The following KDM2A variants were observed in gnomAD, a reference collection of about 807,000 sequenced individuals.
KDM2A encodes lysine demethylase 2A.
In KDM2A, 3 loss-of-function variants were observed where a neutral mutation model predicts 137.3. That is an observed-to-expected ratio of 0.02 (90% CI 0.01 to 0.06). The LOEUF is 0.06. KDM2A is among the 10% of genes least tolerant of loss of function. The probability of loss-of-function intolerance (pLI) is 1.00; values close to 1 mark genes in which losing one functional copy is unlikely to be tolerated. For synonymous variants in KDM2A, 512 were observed against 541.5 expected, an observed-to-expected ratio of 0.95 and a Z score of 0.76; for missense variants, 738 against 1,510.6, an observed-to-expected ratio of 0.49 and a Z score of 8.48.
chr11:67,210,576 G>A (rs1231341044), intron 6 of KDM2A, among the ~76,000 whole-genome samples: 1 of 152,002 alleles, frequency 6.6e-6, no homozygotes, highest in African/African-American at 2.4e-5. Context: ...ACATTAAAGG[G>A]CGGAGAAGAA....
chr11:67,250,242 C>G lies in KDM2A; in HGVS notation c.2212C>G (p.Arg738Gly), dbSNP rs776039082. The G allele has an allele frequency of 6.2e-7, 1 of 1,613,836 alleles. No homozygotes were observed. The highest frequency in any genetic ancestry group is 1.7e-5 in the Admixed American group (1 of 60,006). Reference protein sequence around the residue: ...DPVSPRGMVTRSSPGAGPSDH... With the variant: ...DPVSPRGMVTGSSPGAGPSDH... Reference sequence around the variant, plus strand: ...GGTTTCCCCCCGGGGTATGGTGACTCGGTCATCCCCTGGGGCTGGCCCCAG... The same window carrying G: ...GGTTTCCCCCCGGGGTATGGTGACTGGGTCATCCCCTGGGGCTGGCCCCAG... The change falls in exon 17 of 21, where the codon CGG becomes GGG. Residue 738 changes from arginine (R) to glycine (G), a missense_variant. This residue lies in a region of KDM2A where 244 missense variants were observed against 324.6 expected (regional missense o/e 0.75). Transcript: ENST00000529006. This position sits in a 1 kb window ranked among gnomAD's most constrained non-coding sequence, Gnocchi z 7.1.
intron 1 of KDM2A, among the ~76,000 whole-genome samples, chr11:67,120,839 A>G (rs1555077448): frequency 6.6e-6 from 1 of 151,590 alleles, no homozygotes; most frequent in Non-Finnish European, 1.5e-5. Context: ...GTGAGAGAGA[A>G]CTAATTTGGT....
rs2136434957 is a variant in KDM2A at position 67,236,976 on chromosome 11, T to C, written c.1479+5016T>C. ...ATAGGAAATAAGTGCAGTCCAGGTT[T>C]GTAGGTGCCTGGCATGACACAGGGC... is the stretch of plus-strand genomic sequence containing the variant. On this transcript the variant is annotated intron_variant, in intron 12 of 20. Coordinates refer to ENST00000529006, the MANE Select transcript of KDM2A (RefSeq NM_012308.3). Among the ~76,000 whole-genome samples, 3 of 152,260 alleles carry C rather than the reference T, an allele frequency of 2.0e-5. No homozygotes were observed. The South Asian group carries it at 6.2e-4, about 32-fold the overall frequency.
At chr11:67,249,039 T>A (rs1449514312) in intron 16 of KDM2A, among the ~76,000 whole-genome samples, 1 of 152,220 alleles carries the variant, frequency 6.6e-6, no homozygotes, top group Non-Finnish European at 1.5e-5. Context: ...TGCCAGTCTT[T>A]CAAGGACCCT....
At chr11:67,177,617 G>C (rs559758176) in intron 2 of KDM2A, among the ~76,000 whole-genome samples, 24 of 151,852 alleles carry the variant, frequency 1.6e-4, no homozygotes, top group Non-Finnish European at 3.1e-4. Context: ...CAGTAACACA[G>C]ATGAGCTGTC....
At position 67,235,018 on chromosome 11, in the gene KDM2A, G is replaced by A. The variant is rs577977238; in HGVS notation, c.1479+3058G>A. ...AAATTAGCCAGGTGTCTTGGCGGGC[G>A]CCTGTATTCCCAGCTACTTGGGAGG... On this transcript the variant is annotated intron_variant, in intron 12 of 20. Coordinates refer to ENST00000529006, the MANE Select transcript of KDM2A (RefSeq NM_012308.3). Among the ~76,000 whole-genome samples, 13 of 151,656 alleles carry A rather than the reference G, an allele frequency of 8.6e-5. No individual in the cohort carries two copies. In the East Asian group the frequency reaches 2.2e-3, roughly 25 times the overall value.
chr11:67,254,116 C>A lies in KDM2A; in HGVS notation c.3092-87C>A. ...ACTTAACCCCTTCAAGGGGGCCTGGCCAGCAAGTAGCTGTTGCTGCCTGGA... is the reference window on the plus strand; with the variant it reads ...ACTTAACCCCTTCAAGGGGGCCTGGACAGCAAGTAGCTGTTGCTGCCTGGA... On this transcript the variant is annotated intron_variant, in intron 19 of 20. Transcript: ENST00000529006. The surrounding 1 kb of genome is among the most constrained non-coding windows in gnomAD (Gnocchi z 4.7). 8.1e-7 allele frequency: 1 copy of A among 1,235,600 alleles called. No homozygotes were observed. Among genetic ancestry groups the A allele is most frequent in the Non-Finnish European group, 1.1e-6 (1 of 882,054 alleles). The allele number at this position is 1,235,600 out of a possible 1,614,324, so 76.5% of individuals were successfully genotyped here. A position where few individuals can be genotyped will look rare whatever the true frequency, so the allele number is the denominator to read the frequency against.
intron 2 of KDM2A, among the ~76,000 whole-genome samples, chr11:67,139,689 A>G (rs1293917462): frequency 6.6e-6 from 1 of 150,998 alleles, no homozygotes; most frequent in Non-Finnish European, 1.5e-5. Flanking sequence ...CAAAGGTTGC[A>G]AGGTTGCTGC....
chr11:67,128,122 C>T (rs1037599471), intron 2 of KDM2A, among the ~76,000 whole-genome samples: 1 of 151,486 alleles, frequency 6.6e-6, no homozygotes, highest in Non-Finnish European at 1.5e-5. Flanking sequence ...CTTACCTCAG[C>T]CTCCTGAGTG....
Position 67,252,752 on chromosome 11 carries a change from C to T in KDM2A, c.2827C>T (p.Pro943Ser). ...CTTGAGTAGGTGTAAGGCCATTGTG[C>T]CCCAGGCCCTCAGTGGCATCATCAA... ...IDLSRCKAIV[P>S]QALSGIIKRQ... is the part of the protein sequence containing the mutation. Residue 943 changes from proline to serine, a missense_variant, in exon 18 of 21, where the codon CCC becomes TCC. By Grantham distance (74) the Pro-to-Ser change is moderately conservative. Transcript: ENST00000529006. 1 of 1,613,934 alleles carries T rather than the reference C, an allele frequency of 6.2e-7. No individual in the cohort carries two copies. The highest frequency in any genetic ancestry group is 1.1e-5 in the South Asian group (1 of 91,076).
At chr11:67,217,682 C>G (rs777314291) in intron 8 of KDM2A, 49 bp from the exon 9 acceptor site, 4 of 1,592,750 alleles carry the variant, frequency 2.5e-6, no homozygotes, top group East Asian at 4.5e-5. Flanking sequence ...AGGGAGACGA[C>G]TGGGTCATGT....
chr11:67,217,931 ATG>A, intron 9 of KDM2A, 47 bp downstream of exon 9: 1 of 1,489,500 alleles, frequency 6.7e-7, no homozygotes, highest in Admixed American at 2.4e-5. Flanking sequence ...TTTTTCCTTA[ATG>A]AAAAAGAAAT....
Position 67,180,213 on chromosome 11 carries a change from A to T in KDM2A, c.177A>T (p.Gly59=), listed in dbSNP as rs771146329. 1 of 1,613,530 alleles carries T rather than the reference A, an allele frequency of 6.2e-7. No homozygotes were observed. Among genetic ancestry groups the T allele is most frequent in the Admixed American group, 1.7e-5 (1 of 59,946 alleles). Residue 59 remains glycine, a synonymous_variant, in exon 3 of 21, where the codon GGA becomes GGT. Transcript: ENST00000529006. ...YNANFVTFME[G]KDFNVEYIQR... is the part of the protein sequence containing the mutation. ...CCAATTTTGTTACTTTTATGGAAGGAAAAGGTCAGTATTGTTTTGGTTCCA... is the reference window on the plus strand; with the variant it reads ...CCAATTTTGTTACTTTTATGGAAGGTAAAGGTCAGTATTGTTTTGGTTCCA...
intron 6 of KDM2A, among the ~76,000 whole-genome samples, chr11:67,212,410 G>A (rs1263661793): frequency 1.3e-5 from 2 of 152,148 alleles, no homozygotes; most frequent in Non-Finnish European, 2.9e-5. Context: ...AGATTATTTA[G>A]TGCTGCCATT....
chr11:67,221,031 AAAG>A (rs1482413955), intron 10 of KDM2A, among the ~76,000 whole-genome samples: 1 of 152,084 alleles, frequency 6.6e-6, no homozygotes, highest in East Asian at 1.9e-4. Context: ...AAAAAAAAAA[AAAG>A]GTAAAAAACA....
chr11:67,195,369 CAA>C (rs34494813), intron 5 of KDM2A, among the ~76,000 whole-genome samples: 19 of 65,230 alleles, frequency 2.9e-4, no homozygotes, highest in African/African-American at 6.4e-4. Flanking sequence ...ACTCCGTCTC[CAA>C]AAAAAAAAAA....
intron 2 of KDM2A, among the ~76,000 whole-genome samples, chr11:67,163,654 G>C (rs961879890): frequency 6.6e-6 from 1 of 152,026 alleles, no homozygotes; most frequent in African/African-American, 2.4e-5. Flanking sequence ...TCAAGAGATC[G>C]AGATCATCCT....
Position 67,242,994 on chromosome 11 carries a change from C to T in KDM2A, c.1480-15C>T, listed in dbSNP as rs750342943. 1 of 1,610,860 alleles carries T rather than the reference C, an allele frequency of 6.2e-7. No individual in the cohort carries two copies. The highest frequency in any genetic ancestry group is 1.1e-5 in the South Asian group (1 of 91,014). On this transcript the variant is annotated splice_polypyrimidine_tract_variant and intron_variant, in intron 12 of 20. Transcript: ENST00000529006. ...CCCTGCCCTGATTTTTCCTTCTTTT[C>T]CCTCCTACCCTTAGATTTTGCTGGA... is the stretch of plus-strand genomic sequence containing the variant.
At chr11:67,138,260 A>G (rs1288345708) in intron 2 of KDM2A, among the ~76,000 whole-genome samples, 1 of 152,308 alleles carries the variant, frequency 6.6e-6, no homozygotes, top group East Asian at 1.9e-4. Context: ...AAACTTGTCT[A>G]TTGAATTGAA....
Sources: allele counts gnomAD v4.1 joint callset (sites outside exome capture counted in the v4.1 genomes callset), GRCh38; gene constraint gnomAD v4.1.1; regional missense constraint gnomAD v4.1.1; non-coding constraint Gnocchi (gnomAD v3.1); transcripts MANE v1.5; gene names NCBI Gene and HGNC (gene_info 2026-07-23, HGNC 2026-07-21).